The following SNX31 variants were observed in gnomAD, a reference collection of about 807,000 sequenced individuals.
SNX31 encodes the protein sorting nexin-31.
Under a neutral mutation model 65.4 loss-of-function variants are expected in SNX31, and 58 were observed. That is an observed-to-expected ratio of 0.89 (90% CI 0.72 to 1.10). SNX31 has a LOEUF of 1.10. SNX31 is among the 50% of genes least tolerant of loss of function. The pLI is 0.00. For synonymous variants in SNX31, 181 were observed against 190.1 expected (o/e 0.95, Z 0.39); for missense variants, 523 against 529.7 (o/e 0.99, Z 0.12).
In SNX31 at chr8:100,588,837, G is replaced by A; in HGVS notation, c.1092+29C>T. The A allele has an allele frequency of 6.7e-7, 1 of 1,501,512 alleles. No homozygotes were observed. Among genetic ancestry groups the A allele is most frequent in the Non-Finnish European group, 9.3e-7 (1 of 1,078,678 alleles). The allele number at this position is 1,501,512 out of a possible 1,614,324, so 93.0% of individuals were successfully genotyped here. A position where few individuals can be genotyped will look rare whatever the true frequency, so the allele number is the denominator to read the frequency against. ...AGCAAGACAGCATTTCAGCACAGAG[G>A]GTGTTCAAGGTCTGCCCTGAGAACT... On this transcript the variant is annotated intron_variant, in intron 11 of 13. Coordinates refer to ENST00000311812, the MANE Select transcript of SNX31 (RefSeq NM_152628.4). This position sits in a 1 kb window ranked among gnomAD's most constrained non-coding sequence, Gnocchi z 4.8.
intron 8 of SNX31, among the ~76,000 whole-genome samples, chr8:100,606,368 C>T (rs542406433): frequency 1.3e-5 from 2 of 152,188 alleles, no homozygotes; most frequent in East Asian, 1.9e-4. Flanking sequence ...ATGTATAGTA[C>T]GGAATGAACT....
chr8:100,659,614 A>G (rs1428078732), intron 1 of SNX31, among the ~76,000 whole-genome samples: 2 of 114,064 alleles, frequency 1.8e-5, no homozygotes, highest in Admixed American at 9.1e-5. Flanking sequence ...ACTATTTTTA[A>G]GTGTTTTTTT....
At chr8:100,586,082 A>T (rs1444151661) in intron 11 of SNX31, among the ~76,000 whole-genome samples, 1 of 152,102 alleles carries the variant, frequency 6.6e-6, no homozygotes, top group Non-Finnish European at 1.5e-5. Flanking sequence ...CACCATGCCC[A>T]GATGATTTTT....
chr8:100,601,144 CACATGT>C (rs1190966096), intron 8 of SNX31, among the ~76,000 whole-genome samples: 1 of 152,138 alleles, frequency 6.6e-6, no homozygotes, highest in East Asian at 1.9e-4. Context: ...TAGTGGCAAA[CACATGT>C]ACAGTGCTTA....
chr8:100,636,083 C>T, intron 2 of SNX31, 72 bp from the exon 3 acceptor site: 1 of 1,056,914 alleles, frequency 9.5e-7, no homozygotes, highest in South Asian at 1.3e-5. Flanking sequence ...ACTAAAGTCT[C>T]CTTTAGGGCA....
At chr8:100,577,169 T>A (rs935019518) in intron 12 of SNX31, 94 bp from the exon 13 acceptor site, 17 of 1,081,974 alleles carry the variant, frequency 1.6e-5, no homozygotes, top group Non-Finnish European at 2.2e-5. Context: ...TCCACGATAA[T>A]CCTCTTAATC....
In SNX31 at chr8:100,612,102, A is replaced by G; in HGVS notation, c.524-15T>C. 1 of 1,591,728 alleles carries G rather than the reference A, an allele frequency of 6.3e-7. No homozygotes were observed. Among genetic ancestry groups the G allele is most frequent in the Non-Finnish European group, 8.6e-7 (1 of 1,159,664 alleles). ...TTTTTTCACAACTAGAGAAAGGAGA[A>G]AGCCGGTCTTACTGGTTGAAACAGC... On this transcript the variant is annotated splice_polypyrimidine_tract_variant and intron_variant, in intron 6 of 13. Coordinates refer to ENST00000311812, the MANE Select transcript of SNX31 (RefSeq NM_152628.4). The surrounding 1 kb of genome is among the most constrained non-coding windows in gnomAD (Gnocchi z 4.3).
chr8:100,611,911 T>C, intron 7 of SNX31, 89 bp downstream of exon 7: 1 of 991,806 alleles, frequency 1.0e-6, no homozygotes, highest in Non-Finnish European at 1.6e-6. Context: ...TGTCAGGCTA[T>C]GAGCAGGATG....
intron 10 of SNX31, among the ~76,000 whole-genome samples, chr8:100,592,946 A>G (rs1452259739): frequency 6.6e-6 from 1 of 152,182 alleles, no homozygotes; most frequent in Non-Finnish European, 1.5e-5. Context: ...CGGACTTTCT[A>G]TGTGTCCATT....
chr8:100,601,070 G>A (rs1815580053), intron 8 of SNX31, among the ~76,000 whole-genome samples: 1 of 152,112 alleles, frequency 6.6e-6, no homozygotes, highest in African/African-American at 2.4e-5. Flanking sequence ...ACAGATATTG[G>A]AAAAAATATA....
At chr8:100,621,130 C>T (rs1410355032) in intron 4 of SNX31, among the ~76,000 whole-genome samples, 1 of 152,044 alleles carries the variant, frequency 6.6e-6, no homozygotes, top group Non-Finnish European at 1.5e-5. Flanking sequence ...GGCGACAGAG[C>T]AAGACTCCAT....
intron 5 of SNX31, among the ~76,000 whole-genome samples, chr8:100,616,752 T>A (rs1212194869): frequency 2.0e-5 from 3 of 152,000 alleles, no homozygotes; most frequent in Non-Finnish European, 2.9e-5. Context: ...ATAGGTTAAG[T>A]CAAGGCAGGC....
At chr8:100,634,736 G>A (rs918685989) in intron 3 of SNX31, among the ~76,000 whole-genome samples, 13 of 146,144 alleles carry the variant, frequency 8.9e-5, no homozygotes, top group African/African-American at 3.4e-4. Flanking sequence ...GCGACAGAGC[G>A]AGACTCTGTC....
At chr8:100,608,911 C>T (rs1816445364) in intron 7 of SNX31, among the ~76,000 whole-genome samples, 2 of 152,168 alleles carry the variant, frequency 1.3e-5, no homozygotes, top group African/African-American at 4.8e-5. Context: ...AACTGCCCCA[C>T]ACAGACCTAC....
chr8:100,599,695 A>T (rs1368329782), intron 9 of SNX31, among the ~76,000 whole-genome samples: 1 of 152,208 alleles, frequency 6.6e-6, no homozygotes, highest in East Asian at 1.9e-4. Context: ...AAGAATTTTT[A>T]AAAAGACAAC....
chr8:100,579,276 C>G (rs2130780353), intron 12 of SNX31, among the ~76,000 whole-genome samples: 1 of 152,282 alleles, frequency 6.6e-6, no homozygotes, highest in African/African-American at 2.4e-5. Flanking sequence ...CAATTTCTGA[C>G]ATAATCAGTT....
intron 2 of SNX31, among the ~76,000 whole-genome samples, chr8:100,642,611 G>A (rs1045501233): frequency 2.6e-5 from 4 of 152,104 alleles, no homozygotes; most frequent in African/African-American, 9.7e-5. Flanking sequence ...GAACATAAAG[G>A]AAACTGAGTA....
chr8:100,583,923 T>G (rs771117032), intron 12 of SNX31, among the ~76,000 whole-genome samples, 188 bp downstream of exon 12: 5 of 152,210 alleles, frequency 3.3e-5, no homozygotes, highest in African/African-American at 4.8e-5. Flanking sequence ...AAAGACAGGC[T>G]TCCTTCTGCC....
chr8:100,603,948 G>C (rs1335206891), intron 8 of SNX31, among the ~76,000 whole-genome samples: 2 of 152,196 alleles, frequency 1.3e-5, no homozygotes, highest in Non-Finnish European at 2.9e-5. Flanking sequence ...ACATTGGCCA[G>C]GCTGGTCTCA....
Sources: allele counts gnomAD v4.1 joint callset (sites outside exome capture counted in the v4.1 genomes callset), GRCh38; gene constraint gnomAD v4.1.1; non-coding constraint Gnocchi (gnomAD v3.1); transcripts MANE v1.5; gene names NCBI Gene and HGNC (gene_info 2026-07-23, HGNC 2026-07-21).